BORCS5: variants seen among roughly 807,000 people sequenced by gnomAD.
BORCS5 encodes BLOC-1 related complex subunit 5, also known as BLOC-1-related complex subunit 5.
A neutral mutation model predicts 22.1 loss-of-function variants in BORCS5; 17 were observed. The ratio of observed to expected loss-of-function variants is 0.77; its 90% CI spans 0.53 to 1.15. The LOEUF (loss-of-function observed/expected upper bound fraction) is 1.15. Among genes scored for constraint, BORCS5 ranks in the 50% most tolerant of loss-of-function variants. BORCS5 has a pLI of 0.00. For missense variants in BORCS5, 247 were observed against 253.2 expected (o/e 0.98, Z 0.17); for synonymous variants, 117 against 99.8 (o/e 1.17, Z -1.03).
At chr12:12,395,334 A>T (rs1941308100) in intron 2 of BORCS5, among the ~76,000 whole-genome samples, 1 of 151,014 alleles carries the variant, frequency 6.6e-6, no homozygotes, top group Non-Finnish European at 1.5e-5. Flanking sequence ...CAGTGGTGTG[A>T]TCTCTGCCAC....
At chr12:12,417,167 G>A (rs1398002835) in intron 2 of BORCS5, among the ~76,000 whole-genome samples, 1 of 118,494 alleles carries the variant, frequency 8.4e-6, no homozygotes, top group Non-Finnish European at 1.8e-5. Context: ...TTGTGTTTTT[G>A]TTTTAATTCA....
chr12:12,380,357 C>T (rs977071564), intron 2 of BORCS5, among the ~76,000 whole-genome samples: 1 of 151,078 alleles, frequency 6.6e-6, no homozygotes, highest in Non-Finnish European at 1.5e-5. Flanking sequence ...TGAGGTGTGC[C>T]TATATATGGA....
At chr12:12,385,434 A>G (rs1054508224) in intron 2 of BORCS5, among the ~76,000 whole-genome samples, 1 of 151,272 alleles carries the variant, frequency 6.6e-6, no homozygotes, top group Non-Finnish European at 1.5e-5. Context: ...CTGGTACAAC[A>G]TCTGCTTCAA....
chr12:12,446,087 C>G (rs972867982), intron 3 of BORCS5, among the ~76,000 whole-genome samples: 2 of 152,158 alleles, frequency 1.3e-5, no homozygotes, highest in African/African-American at 4.8e-5. Context: ...ATGTCTGCTT[C>G]ATTTATGAAC....
In BORCS5 at chr12:12,391,661, TG is replaced by T. The variant is rs556209817; in HGVS notation, c.202+30313del. On this transcript the variant is annotated intron_variant, in intron 2 of 3. Coordinates refer to ENST00000314565, the MANE Select transcript of BORCS5 (RefSeq NM_058169.6). The stretch of plus-strand genomic sequence containing the variant: ...CCTTGGCCTCCGAAAGTGCTGGGAT[TG>T]CAGACGTGAGCCACCACGCCTGGCA... Among the ~76,000 whole-genome samples, 302 of 151,530 alleles carry T rather than the reference TG, an allele frequency of 2.0e-3. 2 individuals are homozygous for T. The highest frequency in any genetic ancestry group is 3.5e-3 in the Non-Finnish European group (235 of 67,926).
intron 3 of BORCS5, among the ~76,000 whole-genome samples, chr12:12,438,254 G>C (rs113239696): frequency 6.6e-6 from 1 of 151,222 alleles, no homozygotes; most frequent in Non-Finnish European, 1.5e-5. Flanking sequence ...CCAGCTCCTC[G>C]GGAGGCTGAG....
chr12:12,421,352 T>C (rs1942117981), intron 2 of BORCS5, among the ~76,000 whole-genome samples: 1 of 152,156 alleles, frequency 6.6e-6, no homozygotes, highest in African/African-American at 2.4e-5. Context: ...TGGATTACGT[T>C]TATTGATTTG....
chr12:12,419,688 G>T (rs866676521), intron 2 of BORCS5, among the ~76,000 whole-genome samples: 1 of 152,142 alleles, frequency 6.6e-6, no homozygotes, highest in Non-Finnish European at 1.5e-5. Flanking sequence ...CTGTTTCTCC[G>T]CATCCTCTCC....
At chr12:12,435,906 A>G in intron 3 of BORCS5, 121 bp downstream of exon 3, 2 of 974,926 alleles carry the variant, frequency 2.1e-6, no homozygotes, top group Non-Finnish European at 2.9e-6. Context: ...TTTTCCCAGC[A>G]GTAAAATGTG....
At chr12:12,446,461 G>T (rs2136139862) in intron 3 of BORCS5, among the ~76,000 whole-genome samples, 1 of 152,300 alleles carries the variant, frequency 6.6e-6, no homozygotes, top group South Asian at 2.1e-4. Flanking sequence ...CAAATCCCAA[G>T]ATTCTGTTCT....
chr12:12,394,300 T>C (rs990293515), intron 2 of BORCS5, among the ~76,000 whole-genome samples: 12 of 151,632 alleles, frequency 7.9e-5, no homozygotes, highest in Admixed American at 5.9e-4. Flanking sequence ...CACCCCAGCT[T>C]GGGTGACAGA....
rs999586693 is a variant in BORCS5, at chr12:12,469,375, GA to G, written c.*3600del. The G allele has an allele frequency of 5.9e-5, 9 of 152,214 alleles. No individual in the cohort carries two copies. Among genetic ancestry groups the G allele is most frequent in the Admixed American group, 4.6e-4 (7 of 15,280 alleles). The allele number at this position is 152,214 out of a possible 1,614,324, so 9.4% of individuals were successfully genotyped here. A position where few individuals can be genotyped will look rare whatever the true frequency, so the allele number is the denominator to read the frequency against. ...CCGTTTAGAAATGAGTTTAGTCTGG[GA>G]GAATCTGCTTTTTGAGTAAAAAAGT... On this transcript the variant is annotated 3_prime_UTR_variant, in exon 4 of 4. Transcript: ENST00000314565.
At chr12:12,454,337 C>G (rs1942963536) in intron 3 of BORCS5, among the ~76,000 whole-genome samples, 2 of 152,256 alleles carry the variant, frequency 1.3e-5, no homozygotes, top group Admixed American at 1.3e-4. Context: ...CCCTCACTAA[C>G]ATTTGTCATT....
At chr12:12,387,968 C>T (rs933202138) in intron 2 of BORCS5, among the ~76,000 whole-genome samples, 1 of 151,394 alleles carries the variant, frequency 6.6e-6, no homozygotes, top group Non-Finnish European at 1.5e-5. Flanking sequence ...GGGAAAAGCT[C>T]ATCACAGTCA....
chr12:12,368,202 A>G (rs1435831842), intron 2 of BORCS5, among the ~76,000 whole-genome samples: 1 of 151,440 alleles, frequency 6.6e-6, no homozygotes, highest in Non-Finnish European at 1.5e-5. Flanking sequence ...TTCCGTATTT[A>G]ACATAGGTTT....
chr12:12,361,782 T>G (rs11054847), intron 2 of BORCS5, among the ~76,000 whole-genome samples: 8,434 of 152,256 alleles, frequency 0.055, 335 homozygotes, highest in East Asian at 0.17. Flanking sequence ...GGACAGTGGG[T>G]GGACTAGTTC....
intron 3 of BORCS5, among the ~76,000 whole-genome samples, chr12:12,458,300 T>G (rs1943035464): frequency 6.6e-6 from 1 of 152,198 alleles, no homozygotes; most frequent in Non-Finnish European, 1.5e-5. Context: ...TCCCTGAGCC[T>G]CTAACCCATT....
At chr12:12,460,109 T>C (rs1470759763) in intron 3 of BORCS5, among the ~76,000 whole-genome samples, 3 of 152,246 alleles carry the variant, frequency 2.0e-5, no homozygotes, top group Non-Finnish European at 4.4e-5. Context: ...TTGGCAAGCA[T>C]CAGCACCTTG....
At chr12:12,422,889 C>T (rs1312660559) in intron 2 of BORCS5, among the ~76,000 whole-genome samples, 3 of 150,268 alleles carry the variant, frequency 2.0e-5, no homozygotes, top group Non-Finnish European at 3.0e-5. Context: ...ATGTATCAGT[C>T]TCTTAACGCA....
Sources: gnomAD v4.1 joint callset for allele counts (sites outside exome capture counted in the v4.1 genomes callset) on GRCh38, gnomAD v4.1.1 for gene constraint, MANE v1.5 for transcripts, NCBI Gene and HGNC (gene_info 2026-07-23, HGNC 2026-07-21) for gene names.